Variants in CACNB2 observed in about 807,000 individuals in gnomAD.
CACNB2 encodes the protein voltage-dependent L-type calcium channel subunit beta-2.
Under a neutral mutation model 73.3 loss-of-function variants are expected in CACNB2, and 42 were observed. The ratio of observed to expected loss-of-function variants is 0.57; its 90% confidence interval spans 0.45 to 0.74. The LOEUF is 0.74. CACNB2 is among the 30% of genes least tolerant of loss of function. The pLI, the probability that CACNB2 is intolerant of heterozygous loss-of-function variation, is 0.00. For missense variants in CACNB2, 940 were observed against 853.0 expected (o/e 1.10, Z -1.27); for synonymous variants, 348 against 310.3 (o/e 1.12, Z -1.28).
At chr10:18,342,184 C>T (rs2041260601) in intron 2 of CACNB2, among the ~76,000 whole-genome samples, 1 of 152,130 alleles carries the variant, frequency 6.6e-6, no homozygotes, top group Non-Finnish European at 1.5e-5. Flanking sequence ...TTTTTTCCTG[C>T]AGCGGAATTC....
At chr10:18,179,828 C>G (rs1476516904) in intron 2 of CACNB2, among the ~76,000 whole-genome samples, 2 of 152,190 alleles carry the variant, frequency 1.3e-5, no homozygotes, top group East Asian at 1.9e-4. Context: ...AATTTCCTCT[C>G]CAGTAGTCTA....
At chr10:18,230,748 A>G (rs2036193725) in intron 2 of CACNB2, among the ~76,000 whole-genome samples, 1 of 152,186 alleles carries the variant, frequency 6.6e-6, no homozygotes, top group South Asian at 2.1e-4. Flanking sequence ...CTAAATGGGG[A>G]GACGTATTTT....
chr10:18,428,063 T>G (rs1436525220), intron 3 of CACNB2, among the ~76,000 whole-genome samples: 1 of 152,134 alleles, frequency 6.6e-6, no homozygotes, highest in Non-Finnish European at 1.5e-5. Context: ...TGTTCAGTTC[T>G]AAGTATTTTC....
chr10:18,175,330 T>TCTGC (rs2033518080), intron 2 of CACNB2, among the ~76,000 whole-genome samples: 1 of 152,168 alleles, frequency 6.6e-6, no homozygotes, highest in African/African-American at 2.4e-5. Context: ...AAAAGAAAGA[T>TCTGC]CTGCCCCCAA....
chr10:18,497,732 T>G (rs971918032), intron 3 of CACNB2, among the ~76,000 whole-genome samples: 3 of 152,154 alleles, frequency 2.0e-5, no homozygotes, highest in African/African-American at 7.2e-5. Flanking sequence ...GCCCTTTATC[T>G]GTAAAATTTC....
chr10:18,309,551 G>A (rs573773844), intron 2 of CACNB2, among the ~76,000 whole-genome samples: 27 of 152,182 alleles, frequency 1.8e-4, no homozygotes, highest in Non-Finnish European at 3.1e-4. Context: ...TCTGCCTCCC[G>A]GGTTCAAGCG....
chr10:18,192,655 C>T (rs190715927), intron 2 of CACNB2, among the ~76,000 whole-genome samples: 76 of 152,268 alleles, frequency 5.0e-4, no homozygotes, highest in Non-Finnish European at 8.8e-4. Flanking sequence ...CTTCCCATCC[C>T]CCAGGCCCTG....
chr10:18,321,947 G>A (rs1342304766), intron 2 of CACNB2, among the ~76,000 whole-genome samples: 1 of 152,120 alleles, frequency 6.6e-6, no homozygotes, highest in Non-Finnish European at 1.5e-5. Context: ...GAGGCCAAGA[G>A]TTCAAGACCA....
chr10:18,449,288 G>A (rs934432741), intron 3 of CACNB2, among the ~76,000 whole-genome samples: 2 of 152,224 alleles, frequency 1.3e-5, no homozygotes, highest in African/African-American at 2.4e-5. Context: ...GGGAGGCTGA[G>A]GCAGGAGAAT....
At chr10:18,281,808 G>A (rs1437061969) in intron 2 of CACNB2, among the ~76,000 whole-genome samples, 2 of 151,822 alleles carry the variant, frequency 1.3e-5, no homozygotes, top group African/African-American at 4.8e-5. Flanking sequence ...GCAAAACCGT[G>A]TCTCTACTAA....
intron 9 of CACNB2, among the ~76,000 whole-genome samples, chr10:18,521,787 G>C (rs2051912282): frequency 6.6e-6 from 1 of 152,166 alleles, no homozygotes; most frequent in Non-Finnish European, 1.5e-5. Context: ...GAAGATACAG[G>C]GCTAGTGTAT....
chr10:18,364,274 C>A (rs1218413670), intron 2 of CACNB2, among the ~76,000 whole-genome samples: 2 of 148,424 alleles, frequency 1.3e-5, no homozygotes, highest in Admixed American at 1.4e-4. Flanking sequence ...TTTTCTATAG[C>A]AATATTTGTT....
intron 3 of CACNB2, among the ~76,000 whole-genome samples, chr10:18,467,388 T>C (rs1047566451): frequency 6.6e-6 from 1 of 152,166 alleles, no homozygotes; most frequent in South Asian, 2.1e-4. Context: ...AAGTCTAACT[T>C]TGAGGTCCAC....
chr10:18,228,146 G>A (rs890601062), intron 2 of CACNB2, among the ~76,000 whole-genome samples: 1 of 152,138 alleles, frequency 6.6e-6, no homozygotes. Flanking sequence ...AAATAGGCCG[G>A]ACGCGGTGAC....
intron 2 of CACNB2, among the ~76,000 whole-genome samples, chr10:18,382,127 G>A (rs148654300): frequency 2.5e-4 from 38 of 152,082 alleles, no homozygotes; most frequent in Non-Finnish European, 2.1e-4. Context: ...CCTCACCGAA[G>A]AATGCTAAAA....
chr10:18,147,091 T>C (rs2031065433), intron 1 of CACNB2, among the ~76,000 whole-genome samples: 1 of 152,204 alleles, frequency 6.6e-6, no homozygotes, highest in Non-Finnish European at 1.5e-5. Context: ...ACAACTTCTG[T>C]AATTAATTAT....
intron 3 of CACNB2, among the ~76,000 whole-genome samples, chr10:18,488,302 C>T (rs1019658929): frequency 1.3e-5 from 2 of 150,966 alleles, no homozygotes; most frequent in South Asian, 2.1e-4. Context: ...GGTGAAACCC[C>T]GTCTCTACTA....
At chr10:18,470,883 C>G (rs1193386887) in intron 3 of CACNB2, among the ~76,000 whole-genome samples, 5 of 152,144 alleles carry the variant, frequency 3.3e-5, no homozygotes, top group Non-Finnish European at 5.9e-5. Flanking sequence ...GACTGACATG[C>G]AAGGGGAAAG....
intron 2 of CACNB2, among the ~76,000 whole-genome samples, chr10:18,288,860 C>A (rs1456763604): frequency 1.3e-5 from 2 of 152,186 alleles, no homozygotes; most frequent in Non-Finnish European, 2.9e-5. Context: ...GCCTGGTCAA[C>A]ACGGTGAAAC....
Sources: gnomAD v4.1 joint callset for allele counts (sites outside exome capture counted in the v4.1 genomes callset) on GRCh38, gnomAD v4.1.1 for gene constraint, MANE v1.5 for transcripts, NCBI Gene and HGNC (gene_info 2026-07-23, HGNC 2026-07-21) for gene names.